PAPPA: variants seen among roughly 807,000 people sequenced by gnomAD.
PAPPA encodes the protein pappalysin 1.
A neutral mutation model predicts 164.0 loss-of-function variants in PAPPA; 60 were observed. The ratio of observed to expected loss-of-function variants is 0.37; its 90% CI spans 0.30 to 0.45. PAPPA has a LOEUF of 0.45. PAPPA is among the 20% of genes least tolerant of loss of function. The pLI is 1.00. For missense variants in PAPPA, 1,782 were observed against 2,087.3 expected (o/e 0.85, Z 2.85); for synonymous variants, 875 against 814.1 (o/e 1.07, Z -1.27).
chr9:116,344,611 G>A lies in PAPPA; in HGVS notation c.3680G>A (p.Cys1227Tyr), dbSNP rs1846182803. Residue 1227 changes from cysteine to tyrosine, a missense_variant, in exon 14 of 22, where the codon TGC becomes TAC. By Grantham distance (194) the Cys-to-Tyr change is radical. Transcript: ENST00000328252. ...GCTGTGGAGAATGCTTCTCTCAATT[G>A]CTCCAGCAGCGACCGCTACCACGGT... ...ELAVENASLN[C>Y]SSSDRYHGAQ... 1 of 1,613,952 alleles carries A rather than the reference G, an allele frequency of 6.2e-7. No individual in the cohort carries two copies. Among genetic ancestry groups the A allele is most frequent in the Non-Finnish European group, 8.5e-7 (1 of 1,179,986 alleles).
chr9:116,295,819 C>T (rs1045615586), intron 9 of PAPPA, among the ~76,000 whole-genome samples: 2 of 152,266 alleles, frequency 1.3e-5, no homozygotes, highest in East Asian at 1.9e-4. Context: ...GTCAAGGAAG[C>T]CTTCTCTCAT....
At chr9:116,164,631 C>G (rs1843701148) in intron 1 of PAPPA, among the ~76,000 whole-genome samples, 1 of 152,190 alleles carries the variant, frequency 6.6e-6, no homozygotes, top group Admixed American at 6.5e-5. Flanking sequence ...ACCTATTATC[C>G]TTGTAATCAA....
Position 116,235,399 on chromosome 9 carries a change from A to T in PAPPA, c.2494A>T (p.Asn832Tyr), listed in dbSNP as rs1186123100. Residue 832 changes from asparagine to tyrosine, a missense_variant, in exon 7 of 22, where the codon AAT becomes TAT. Asn to Tyr is a moderately radical substitution (Grantham distance 143). This residue lies in a region of PAPPA where 1,324 missense variants were observed against 1,656.9 expected (regional missense o/e 0.80). Coordinates refer to ENST00000328252, the MANE Select transcript of PAPPA (RefSeq NM_002581.5). ...GAAGAACATCTCCCTGGGTCCTCAG[A>T]ATGTCTTCTGTGATGTCCCACTGAC... The part of the protein sequence containing the change: ...SGKNISLGPQ[N>Y]VFCDVPLTIR... The T allele has an allele frequency of 1.9e-6, 3 of 1,614,016 alleles. No homozygotes were observed. The highest frequency in any genetic ancestry group is 2.5e-6 in the Non-Finnish European group (3 of 1,180,008).
chr9:116,156,188 G>A (rs2118966392), intron 1 of PAPPA, among the ~76,000 whole-genome samples: 1 of 150,876 alleles, frequency 6.6e-6, no homozygotes, highest in South Asian at 2.1e-4. Context: ...GCATTCCCTG[G>A]AGAGAGGAGA....
At chr9:116,193,143 T>TA (rs1844063523) in intron 2 of PAPPA, among the ~76,000 whole-genome samples, 1 of 151,686 alleles carries the variant, frequency 6.6e-6, no homozygotes, top group East Asian at 1.9e-4. Flanking sequence ...TTATTATTAT[T>TA]TTTTTGAATG....
intron 9 of PAPPA, chr9:116,287,195 A>T (rs1362141863): frequency 6.6e-6 from 1 of 152,234 alleles, no homozygotes; most frequent in African/African-American, 2.4e-5. Context: ...TGAATGCCTT[A>T]TGTACTTGAA....
chr9:116,186,639 T>C (rs1337545307), intron 1 of PAPPA, among the ~76,000 whole-genome samples: 1 of 152,184 alleles, frequency 6.6e-6, no homozygotes, highest in African/African-American at 2.4e-5. Flanking sequence ...TTCTGGTAAC[T>C]ATGGTAGGGA....
At chr9:116,159,795 C>T (rs908682960) in intron 1 of PAPPA, among the ~76,000 whole-genome samples, 1 of 152,114 alleles carries the variant, frequency 6.6e-6, no homozygotes, top group African/African-American at 2.4e-5. Flanking sequence ...ATATGGAACT[C>T]GGGAGTGTGG....
intron 1 of PAPPA, among the ~76,000 whole-genome samples, chr9:116,175,783 A>T (rs1268550643): frequency 6.6e-6 from 1 of 152,142 alleles, no homozygotes; most frequent in Non-Finnish European, 1.5e-5. Context: ...CTTACAGTCG[A>T]GTGGGGGAGA....
At chr9:116,179,925 A>G (rs1843883524) in intron 1 of PAPPA, among the ~76,000 whole-genome samples, 1 of 152,156 alleles carries the variant, frequency 6.6e-6, no homozygotes, top group Non-Finnish European at 1.5e-5. Flanking sequence ...TTTTAGCCTC[A>G]TGAAAGAAAC....
At position 116,313,972 on chromosome 9, in the gene PAPPA, T is replaced by C. The variant is rs539792085; in HGVS notation, c.3147+11022T>C. The stretch of plus-strand genomic sequence containing the variant: ...TTAAGGGGAGATGGTGAGAATTCCA[T>C]GGGATAGCACGCTTAAAGCACTTAG... On this transcript the variant is annotated intron_variant, in intron 10 of 21. Transcript: ENST00000328252. 8.0e-5 allele frequency among the ~76,000 whole-genome samples: 12 copies of C among 150,010 alleles called. No homozygotes were observed. The East Asian group carries it at 2.4e-3, about 29-fold the overall frequency.
rs115729347 is a variant in PAPPA, at chr9:116,187,566, C to A, written c.828C>A (p.Gly276=). The A allele has an allele frequency of 1.9e-6, 3 of 1,614,188 alleles. No individual in the cohort carries two copies. Among genetic ancestry groups the A allele is most frequent in the South Asian group, 1.1e-5 (1 of 91,088 alleles). ...REILSDMETH[G]AHTALPQLLL... ...TACTGTCTGACATGGAAACCCATGG[C>A]GCCCACACTGCTCTACCTCAGCTCC... is the stretch of plus-strand genomic sequence containing the variant. The change falls in exon 2 of 22, where the codon GGC becomes GGA. Residue 276 remains glycine, a synonymous_variant. Coordinates refer to ENST00000328252, the MANE Select transcript of PAPPA (RefSeq NM_002581.5). The surrounding 1 kb of genome is among the most constrained non-coding windows in gnomAD (Gnocchi z 4.2).
At chr9:116,197,899 A>G (rs1215943454) in intron 2 of PAPPA, among the ~76,000 whole-genome samples, 2 of 152,238 alleles carry the variant, frequency 1.3e-5, no homozygotes, top group East Asian at 1.9e-4. Flanking sequence ...TAAACTTAGT[A>G]TATTTTAGTT....
At chr9:116,344,734 G>C (rs776647983) in intron 14 of PAPPA, 23 bp downstream of exon 14, 1 of 1,600,572 alleles carries the variant, frequency 6.2e-7, no homozygotes, top group Non-Finnish European at 8.6e-7. Context: ...GCTGAGCTCA[G>C]AGCCTCTCTG....
At chr9:116,170,904 C>T (rs1483130361) in intron 1 of PAPPA, among the ~76,000 whole-genome samples, 1 of 151,592 alleles carries the variant, frequency 6.6e-6, no homozygotes, top group Non-Finnish European at 1.5e-5. Flanking sequence ...TCCCCTGAGA[C>T]ATCTTCACTG....
At position 116,227,372 on chromosome 9, in the gene PAPPA, A is replaced by G. The variant is rs201177552; in HGVS notation, c.2112-59A>G. The stretch of plus-strand genomic sequence containing the variant: ...CCATTGACTCTGGCCTAGTCCCATC[A>G]GTTGCTCATTCAACTGTTCCTAAGT... On this transcript the variant is annotated intron_variant, in intron 5 of 21. Coordinates refer to ENST00000328252, the MANE Select transcript of PAPPA (RefSeq NM_002581.5). 84 of 1,594,906 alleles carry G rather than the reference A, an allele frequency of 5.3e-5. No homozygotes were observed. The African/African-American group carries it at 9.9e-4, about 19-fold the overall frequency.
chr9:116,333,438 C>T (rs1246581630), intron 12 of PAPPA, among the ~76,000 whole-genome samples: 2 of 152,154 alleles, frequency 1.3e-5, no homozygotes, highest in Admixed American at 1.3e-4. Context: ...AGCCTGGATA[C>T]TCCAAGTATT....
At chr9:116,207,408 T>TATTTAAATAGG (rs1300919637) in intron 2 of PAPPA, 48 bp from the exon 3 acceptor site, 1 of 1,439,898 alleles carries the variant, frequency 6.9e-7, no homozygotes, top group Non-Finnish European at 9.1e-7. Flanking sequence ...GAGGGCCTGT[T>TATTTAAATAGG]ATCTTTTTGG....
intron 2 of PAPPA, 142 bp from the exon 3 acceptor site, chr9:116,207,314 A>G: frequency 3.3e-6 from 2 of 599,282 alleles, no homozygotes; most frequent in South Asian, 5.3e-5. Context: ...TACTTATAAT[A>G]TTATTGGGGG....
Sources: allele counts gnomAD v4.1 joint callset (sites outside exome capture counted in the v4.1 genomes callset), GRCh38; gene constraint gnomAD v4.1.1; regional missense constraint gnomAD v4.1.1; non-coding constraint Gnocchi (gnomAD v3.1); transcripts MANE v1.5; gene names NCBI Gene and HGNC (gene_info 2026-07-23, HGNC 2026-07-21).